Variants in MYCBP2 observed in about 807,000 individuals in gnomAD.
MYCBP2 encodes MYC binding protein 2, also known as E3 ubiquitin-protein ligase MYCBP2.
MYCBP2 carries 120 observed loss-of-function variants against 525.3 expected under a neutral mutation model. The ratio of observed to expected loss-of-function variants is 0.23; its 90% CI spans 0.20 to 0.27. The LOEUF (loss-of-function observed/expected upper bound fraction) is 0.27. Ranked by LOEUF, MYCBP2 falls within the 10% of genes least tolerant of loss-of-function variation. The probability of loss-of-function intolerance (pLI) is 1.00; values close to 1 mark genes in which losing one functional copy is unlikely to be tolerated. For missense variants in MYCBP2, 4,149 were observed against 5,657.1 expected, an observed-to-expected ratio of 0.73 and a Z score of 8.55; for synonymous variants, 1,894 against 1,955.8, an observed-to-expected ratio of 0.97 and a Z score of 0.83.
chr13:77,281,093 G>T (rs1266125120), intron 3 of MYCBP2, among the ~76,000 whole-genome samples: 1 of 152,060 alleles, frequency 6.6e-6, no homozygotes, highest in Admixed American at 6.5e-5. Context: ...TTTGAACTTT[G>T]AAAGTAGACT....
chr13:77,184,636 C>T (rs2060558492), intron 32 of MYCBP2, among the ~76,000 whole-genome samples: 2 of 152,170 alleles, frequency 1.3e-5, no homozygotes, highest in Admixed American at 1.3e-4. Context: ...CCCTGTAGTT[C>T]TGTCAGTGTT....
At chr13:77,267,142 A>G (rs1442969390) in intron 8 of MYCBP2, among the ~76,000 whole-genome samples, 1 of 152,054 alleles carries the variant, frequency 6.6e-6, no homozygotes, top group Admixed American at 6.6e-5. Flanking sequence ...TATCAACATT[A>G]TAAACAAATT....
rs1445297799 is a variant in MYCBP2, at chr13:77,098,869, T to G, written c.8285A>C (p.Glu2762Ala). The stretch of plus-strand genomic sequence containing the variant: ...GAGGGATTCACTAGCAGATAAACTT[T>G]CTGTGCCCCTTGGCTTCTTCTGATC... ...TADQKKPRGT[E>A]SLSASESLIL... Residue 2762 changes from glutamate (E) to alanine (A), a missense_variant, in exon 56 of 83, where the codon GAA becomes GCA. Physicochemically the swap from Glu to Ala is moderately radical, Grantham distance 107. This residue lies in a region of MYCBP2 where 653 missense variants were observed against 744.7 expected (regional missense o/e 0.88). Transcript: ENST00000544440. 6.2e-7 allele frequency: 1 copy of G among 1,613,688 alleles called. No individual in the cohort carries two copies. Among genetic ancestry groups the G allele is most frequent in the Non-Finnish European group, 8.5e-7 (1 of 1,179,754 alleles).
At chr13:77,084,713 G>A (rs887761202) in intron 62 of MYCBP2, among the ~76,000 whole-genome samples, 1 of 152,108 alleles carries the variant, frequency 6.6e-6, no homozygotes, top group Non-Finnish European at 1.5e-5. Flanking sequence ...CAGCTCTGAA[G>A]CTAAGAATCT....
intron 18 of MYCBP2, among the ~76,000 whole-genome samples, chr13:77,231,822 T>C (rs1052954550): frequency 7.2e-5 from 11 of 152,316 alleles, no homozygotes; most frequent in African/African-American, 2.6e-4. Flanking sequence ...ATAGTAGAAA[T>C]CATAAAAGAT....
rs550560549 is a variant in MYCBP2, at chr13:77,083,509, GTATGTGTATGGATATATACACATACATA to G, written c.10876-345_10876-318del. Among the ~76,000 whole-genome samples the G allele has an allele frequency of 1.0e-3, 155 of 152,076 alleles. 1 individual carries two copies. The highest frequency in any genetic ancestry group is 3.4e-3 in the Middle Eastern group (1 of 294). ...ATGTGTAGTGTGTGTGCATATATAT[GTATGTGTATGGATATATACACATACATA>G]TATGTAGGTATGTTTTGTGTGTATG... On this transcript the variant is annotated intron_variant, in intron 62 of 82. Transcript: ENST00000544440.
rs764948982 is a variant in MYCBP2, at chr13:77,164,440, T to C, written c.6547+14A>G. The C allele has an allele frequency of 3.9e-5, 61 of 1,569,258 alleles. No homozygotes were observed. The Admixed American group carries it at 7.7e-4, about 20-fold the overall frequency. Reference sequence around the variant, plus strand: ...AAACCCTATCAAAAAACATCCAGTATTGGCCACACTTACCAATAGGAAGTG... The same window carrying C: ...AAACCCTATCAAAAAACATCCAGTACTGGCCACACTTACCAATAGGAAGTG... On this transcript the variant is annotated intron_variant, in intron 43 of 82. Transcript: ENST00000544440.
intron 26 of MYCBP2, among the ~76,000 whole-genome samples, chr13:77,197,742 A>G (rs200095232): frequency 6.6e-6 from 1 of 152,134 alleles, no homozygotes; most frequent in Non-Finnish European, 1.5e-5. Flanking sequence ...CAAAACAAAA[A>G]AATACAGAAG....
intron 68 of MYCBP2, among the ~76,000 whole-genome samples, chr13:77,075,189 C>G (rs575176847): frequency 1.3e-5 from 2 of 152,222 alleles, no homozygotes; most frequent in Admixed American, 6.5e-5. Context: ...TCCTGGATGA[C>G]AGAGAGAGAC....
At position 77,166,313 on chromosome 13, in the gene MYCBP2, GA is replaced by G. The variant is rs3832881; in HGVS notation, c.6340+15del. The G allele has an allele frequency of 0.045, 63,298 of 1,392,794 alleles. 1,268 individuals are homozygous for G. The highest frequency in any genetic ancestry group is 0.073 in the East Asian group (2,904 of 39,842). 86.3% of individuals were successfully genotyped at this position (1,392,794 alleles called of 1,614,324 possible). The stretch of plus-strand genomic sequence containing the variant: ...ACTTATTTTACCACATAAAACAGAA[GA>G]AAAAAAAAACTTACCTGGCAACACC... On this transcript the variant is annotated intron_variant, in intron 41 of 82. Coordinates refer to ENST00000544440, the MANE Select transcript of MYCBP2 (RefSeq NM_015057.5).
intron 36 of MYCBP2, 121 bp from the exon 37 acceptor site, chr13:77,174,610 A>C: frequency 1.4e-6 from 1 of 729,974 alleles, no homozygotes; most frequent in Non-Finnish European, 2.2e-6. Flanking sequence ...AGATGATATA[A>C]TTAAATAAGT....
intron 1 of MYCBP2, among the ~76,000 whole-genome samples, chr13:77,312,160 A>T (rs1263583353): frequency 6.6e-6 from 1 of 152,104 alleles, no homozygotes; most frequent in Non-Finnish European, 1.5e-5. Context: ...ATCCTTTAGG[A>T]ATGAAAGTAA....
At chr13:77,325,440 C>T (rs894647547) in intron 1 of MYCBP2, among the ~76,000 whole-genome samples, 1 of 152,100 alleles carries the variant, frequency 6.6e-6, no homozygotes. Context: ...GGGTATGCGG[C>T]ATGTAAGGGC....
chr13:77,313,949 C>T (rs902888378), intron 1 of MYCBP2, among the ~76,000 whole-genome samples: 4 of 149,514 alleles, frequency 2.7e-5, no homozygotes, highest in Non-Finnish European at 4.5e-5. Flanking sequence ...AAAAAAAAAA[C>T]GAGATTCTAC....
chr13:77,202,149 C>T (rs1451784660), intron 26 of MYCBP2, among the ~76,000 whole-genome samples: 7 of 151,648 alleles, frequency 4.6e-5, no homozygotes, highest in East Asian at 1.9e-4. Context: ...GCTAACAAGA[C>T]TAATAAAGAA....
At chr13:77,064,999 A>G (rs891190678) in intron 72 of MYCBP2, among the ~76,000 whole-genome samples, 3 of 152,202 alleles carry the variant, frequency 2.0e-5, no homozygotes, top group African/African-American at 7.2e-5. Flanking sequence ...ATCAAGGGCA[A>G]TTACTCTCAC....
At chr13:77,239,629 G>A (rs545696251) in intron 17 of MYCBP2, among the ~76,000 whole-genome samples, 1 of 152,134 alleles carries the variant, frequency 6.6e-6, no homozygotes, top group African/African-American at 2.4e-5. Context: ...CACCTGGAAC[G>A]CTATTAAAGC....
chr13:77,051,844 A>G lies in MYCBP2; in HGVS notation c.13722T>C (p.Ile4574=). The part of the protein sequence containing the change: ...RGDDYDPREL[I]CGACSDVSRA... ...TGGAAACATCAGAACAGGCACCACA[A>G]ATGAGCTCTCTGGGATCATAATCAT... Residue 4574 remains isoleucine, a synonymous_variant, in exon 81 of 83, where the codon ATT becomes ATC. Transcript: ENST00000544440. 6.2e-7 allele frequency: 1 copy of G among 1,614,160 alleles called. No individual in the cohort carries two copies. The highest frequency in any genetic ancestry group is 8.5e-7 in the Non-Finnish European group (1 of 1,180,020).
chr13:77,143,940 G>A (rs568192067), intron 49 of MYCBP2, among the ~76,000 whole-genome samples: 3 of 152,192 alleles, frequency 2.0e-5, no homozygotes, highest in South Asian at 2.1e-4. Flanking sequence ...TACGCTGTTC[G>A]TCACTGACCA....
Sources: gnomAD v4.1 joint callset for allele counts (sites outside exome capture counted in the v4.1 genomes callset) on GRCh38, gnomAD v4.1.1 for gene constraint, gnomAD v4.1.1 regional missense constraint, MANE v1.5 for transcripts, NCBI Gene and HGNC (gene_info 2026-07-23, HGNC 2026-07-21) for gene names.